Variants in TFEB observed in about 807,000 individuals in gnomAD.
TFEB encodes the protein T-cell transcription factor EB.
TFEB carries 12 observed loss-of-function variants against 48.0 expected under a neutral mutation model. The observed-to-expected ratio is 0.25, with a 90% CI of 0.16 to 0.40. The LOEUF (loss-of-function observed/expected upper bound fraction) is 0.40. Among genes scored for constraint, TFEB ranks in the 10% least tolerant of loss-of-function variants. The probability of loss-of-function intolerance (pLI) is 1.00; values close to 1 mark genes in which losing one functional copy is unlikely to be tolerated. For missense variants in TFEB, 509 were observed against 640.3 expected (o/e 0.79, Z 2.21); for synonymous variants, 244 against 261.4 (o/e 0.93, Z 0.64).
intron 7 of TFEB, 122 bp downstream of exon 7, chr6:41,686,972 G>T: frequency 1.2e-6 from 1 of 820,574 alleles, no homozygotes; most frequent in Non-Finnish European, 2.1e-6. Context: ...TTCTCAAATA[G>T]ATGAACTTCT....
chr6:41,690,572 CT>C, intron 3 of TFEB, 90 bp downstream of exon 3: 1 of 1,390,882 alleles, frequency 7.2e-7, no homozygotes, highest in South Asian at 1.7e-5. Flanking sequence ...GAAGGCACCC[CT>C]GCCTCTGCCA....
chr6:41,686,349 C>A (rs1472382191), intron 7 of TFEB, 112 bp from the exon 8 acceptor site: 11 of 1,413,178 alleles, frequency 7.8e-6, no homozygotes, highest in South Asian at 1.3e-5. Flanking sequence ...TACCCAGCAA[C>A]CCCAGACCTG....
At chr6:41,685,280 G>C (rs538325955) in intron 8 of TFEB, among the ~76,000 whole-genome samples, 1 of 152,332 alleles carries the variant, frequency 6.6e-6, no homozygotes, top group Non-Finnish European at 1.5e-5. Flanking sequence ...TCATTAGTGG[G>C]TTGTGAAGCC....
intron 8 of TFEB, 119 bp downstream of exon 8, chr6:41,685,958 ACTGATACATCCTC>A: frequency 5.8e-6 from 7 of 1,209,138 alleles, no homozygotes; most frequent in Non-Finnish European, 8.3e-6. Context: ...AAACATCCTA[ACTGATACATCCTC>A]CTTCCTAATG....
intron 1 of TFEB, among the ~76,000 whole-genome samples, chr6:41,715,474 A>G (rs1489037640): frequency 4.6e-5 from 7 of 152,174 alleles, no homozygotes; most frequent in Non-Finnish European, 1.0e-4. Flanking sequence ...GTTCGAGACC[A>G]GCTTGACCAA....
At chr6:41,688,052 AC>A (rs968629876) in intron 4 of TFEB, 24 bp from the exon 5 acceptor site, 2 of 1,594,236 alleles carry the variant, frequency 1.3e-6, no homozygotes, top group Non-Finnish European at 1.7e-6. Context: ...GGTGAGGGAG[AC>A]CCATGAGTAT....
rs550095738 is a variant in TFEB, at chr6:41,686,850, A to G, written c.803+244T>C. ...ATGGCCTTAAGAAAACTTTCTCAGC[A>G]TGACTGCTCCTCCAAGAAGCCTCCC... On this transcript the variant is annotated intron_variant, in intron 7 of 8. Coordinates refer to ENST00000373033, the MANE Select transcript of TFEB (RefSeq NM_001271944.2). The G allele has an allele frequency of 1.1e-5, 6 of 557,518 alleles. No homozygotes were observed. In the South Asian group the frequency reaches 1.3e-4, roughly 12 times the overall value. The allele number at this position is 557,518 out of a possible 1,614,324, so 34.5% of individuals were successfully genotyped here. A position where few individuals can be genotyped will look rare whatever the true frequency, so the allele number is the denominator to read the frequency against.
chr6:41,713,304 T>G (rs561010227), intron 1 of TFEB, among the ~76,000 whole-genome samples: 1 of 152,174 alleles, frequency 6.6e-6, no homozygotes, highest in Admixed American at 6.5e-5. Flanking sequence ...AGGCGGGTGG[T>G]GGGCAGGTGG....
intron 1 of TFEB, among the ~76,000 whole-genome samples, chr6:41,701,286 C>G (rs1261545706): frequency 2.0e-5 from 3 of 152,206 alleles, no homozygotes; most frequent in African/African-American, 7.2e-5. Context: ...CCTTGTGCCC[C>G]TGCACCCGCC....
chr6:41,726,715 A>T (rs1471008312), intron 1 of TFEB, among the ~76,000 whole-genome samples: 1 of 152,158 alleles, frequency 6.6e-6, no homozygotes, highest in Non-Finnish European at 1.5e-5. Flanking sequence ...CTGGGATTAC[A>T]GGCGTGAGCC....
At position 41,724,804 on chromosome 6, in the gene TFEB, G is replaced by A. The variant is rs1439106173; in HGVS notation, c.-23+10546C>T. ...AGCCCTCATCAAAAGGCTGGGGCCC[G>A]CAGGGACTGTGGGGGAAGCGCCTCA... On this transcript the variant is annotated intron_variant, in intron 1 of 8. Transcript: ENST00000373033. The surrounding 1 kb of genome is among the most constrained non-coding windows in gnomAD (Gnocchi z 4.4). Among the ~76,000 whole-genome samples, 9 of 152,158 alleles carry A rather than the reference G, an allele frequency of 5.9e-5. No homozygotes were observed. The South Asian group carries it at 1.2e-3, about 21-fold the overall frequency.
intron 1 of TFEB, among the ~76,000 whole-genome samples, chr6:41,701,121 C>A (rs1769897146): frequency 6.6e-6 from 1 of 152,270 alleles, no homozygotes; most frequent in Admixed American, 6.5e-5. Context: ...CTCTTTCTCT[C>A]TTCTCTCTCA....
At chr6:41,709,569 A>G (rs1170320366) in intron 1 of TFEB, among the ~76,000 whole-genome samples, 2 of 147,956 alleles carry the variant, frequency 1.4e-5, no homozygotes, top group Admixed American at 6.8e-5. Flanking sequence ...GGATGGATGG[A>G]TATAATGGAT....
intron 1 of TFEB, among the ~76,000 whole-genome samples, chr6:41,706,381 G>A (rs1271974814): frequency 6.6e-6 from 1 of 152,154 alleles, no homozygotes; most frequent in Non-Finnish European, 1.5e-5. Context: ...CACGCCTGGT[G>A]GGGGCAGGAC....
At chr6:41,695,724 A>C (rs761615535) in intron 1 of TFEB, among the ~76,000 whole-genome samples, 3 of 152,158 alleles carry the variant, frequency 2.0e-5, no homozygotes, top group African/African-American at 4.8e-5. Context: ...GGGAGGGATA[A>C]AGAGGGATTT....
chr6:41,688,876 G>A (rs1769149234), intron 4 of TFEB, among the ~76,000 whole-genome samples: 1 of 152,170 alleles, frequency 6.6e-6, no homozygotes, highest in African/African-American at 2.4e-5. Context: ...TTGGTGGCAT[G>A]GGCTGGGGCC....
chr6:41,687,154 C>G lies in TFEB; in HGVS notation c.743G>C (p.Arg248Thr). ...CTTGATGCGGTCATTGATGTTGAAC[C>G]TTCGTCTCCTTTCAACTAAAGGTAA... ...DNHNLIERRR[R>T]FNINDRIKEL... Residue 248 changes from arginine to threonine, a missense_variant, in exon 7 of 9, where the codon AGG becomes ACG. Arg to Thr is a moderately conservative substitution (Grantham distance 71, BLOSUM62 -1). Transcript: ENST00000373033. 1 of 1,614,174 alleles carries G rather than the reference C, an allele frequency of 6.2e-7. No homozygotes were observed. Among genetic ancestry groups the G allele is most frequent in the Non-Finnish European group, 8.5e-7 (1 of 1,180,042 alleles).
intron 1 of TFEB, among the ~76,000 whole-genome samples, chr6:41,708,380 C>T (rs1368203897): frequency 6.6e-6 from 1 of 152,204 alleles, no homozygotes; most frequent in Non-Finnish European, 1.5e-5. Context: ...TGGGCCCTCA[C>T]GATGTCAAAA....
intron 7 of TFEB, 165 bp from the exon 8 acceptor site, chr6:41,686,402 C>T (rs373015179): frequency 1.3e-6 from 1 of 772,524 alleles, no homozygotes; most frequent in South Asian, 2.0e-5. Context: ...AATGGGCCCT[C>T]CTGGTGACTT....
Sources: gnomAD v4.1 joint callset for allele counts (sites outside exome capture counted in the v4.1 genomes callset) on GRCh38, gnomAD v4.1.1 for gene constraint, Gnocchi (gnomAD v3.1) non-coding constraint, MANE v1.5 for transcripts, NCBI Gene and HGNC (gene_info 2026-07-23, HGNC 2026-07-21) for gene names.